The following SDF4 variants were observed in gnomAD, a reference collection of about 807,000 sequenced individuals.
SDF4 encodes 45 kDa calcium-binding protein.
SDF4 carries 22 observed loss-of-function variants against 34.2 expected under a neutral mutation model. That is an observed-to-expected ratio of 0.64 (90% CI 0.46 to 0.92). SDF4 has a LOEUF of 0.92. SDF4 is among the 40% of genes least tolerant of loss of function. The probability of loss-of-function intolerance (pLI) is 0.00; values close to 1 mark genes in which losing one functional copy is unlikely to be tolerated. For synonymous variants in SDF4, 236 were observed against 203.1 expected (o/e 1.16, Z -1.38); for missense variants, 447 against 499.9 (o/e 0.89, Z 1.01).
At position 1,218,701 on chromosome 1, in the gene SDF4, G is replaced by A. The variant is rs920070912; in HGVS notation, c.715+68C>T. 1.5e-5 allele frequency: 24 copies of A among 1,611,242 alleles called. No homozygotes were observed. The highest frequency in any genetic ancestry group is 1.5e-4 in the African/African-American group (11 of 74,876). Reference sequence around the variant, plus strand: ...CCCGCAGGACCTGCCCCGACCTCCCGACGATGCCCGGCCCCTGCCAGTCGG... The same window carrying A: ...CCCGCAGGACCTGCCCCGACCTCCCAACGATGCCCGGCCCCTGCCAGTCGG... On this transcript the variant is annotated intron_variant, in intron 5 of 6. Coordinates refer to ENST00000360001, the MANE Select transcript of SDF4 (RefSeq NM_016176.6). The surrounding 1 kb of genome is among the most constrained non-coding windows in gnomAD (Gnocchi z 7.9).
rs144940942 is a variant in SDF4, at chr1:1,221,896, G to A, written c.556+1348C>T. On this transcript the variant is annotated intron_variant, in intron 4 of 6. Coordinates refer to ENST00000360001, the MANE Select transcript of SDF4 (RefSeq NM_016176.6). ...GCCCTGGAAGGTACAGCTGCAGGGA[G>A]CCGAGACTGCACCACTGCACTGCAG... Among the ~76,000 whole-genome samples the A allele has an allele frequency of 2.4e-3, 369 of 152,348 alleles. 1 individual carries two copies. The highest frequency in any genetic ancestry group is 8.3e-3 in the African/African-American group (345 of 41,584).
rs182484440 is a variant in SDF4, at chr1:1,225,229, G to A, written c.306-1261C>T. Among the ~76,000 whole-genome samples the A allele has an allele frequency of 1.3e-5, 2 of 152,326 alleles. 1 individual carries two copies. The highest frequency in any genetic ancestry group is 3.9e-4 in the East Asian group (2 of 5,176). ...ACTTAACCCCCAGGGCAACAGCACT[G>A]GGAGGCAGGGCTTCCAGAGGTGCGA... On this transcript the variant is annotated intron_variant, in intron 2 of 6. Coordinates refer to ENST00000360001, the MANE Select transcript of SDF4 (RefSeq NM_016176.6).
rs1638386110 is a variant in SDF4 at position 1,228,527 on chromosome 1, G to A, written c.246C>T (p.Gly82=). Residue 82 remains glycine, a synonymous_variant, in exon 2 of 7, where the codon GGC becomes GGT. Transcript: ENST00000360001. Reference sequence around the variant, plus strand: ...GCCGCGGCTCCGCGTCCTCATCAAAGCCACCCAGGTCCTTGCCTAGGAAGA... The same window carrying A: ...GCCGCGGCTCCGCGTCCTCATCAAAACCACCCAGGTCCTTGCCTAGGAAGA... ...QEVFLGKDLG[G]FDEDAEPRRS... 3 of 1,612,642 alleles carry A rather than the reference G, an allele frequency of 1.9e-6. No homozygotes were observed. The highest frequency in any genetic ancestry group is 1.3e-5 in the African/African-American group (1 of 74,950).
Position 1,217,925 on chromosome 1 carries a change from G to A in SDF4, c.892-237C>T. 2 of 1,130,800 alleles carry A rather than the reference G, an allele frequency of 1.8e-6. No individual in the cohort carries two copies. The highest frequency in any genetic ancestry group is 2.4e-6 in the Non-Finnish European group (2 of 827,888). 70.0% of individuals were successfully genotyped at this position (1,130,800 alleles called of 1,614,324 possible). The stretch of plus-strand genomic sequence containing the variant: ...CGGGGCACAGGGGCTACACAGGCCT[G>A]GACCCCAGTTCTGAAGGATCCCTAA... On this transcript the variant is annotated intron_variant, in intron 6 of 6. Transcript: ENST00000360001. This position sits in a 1 kb window ranked among gnomAD's most constrained non-coding sequence, Gnocchi z 8.5.
chr1:1,225,228 T>C (rs140504906), intron 2 of SDF4, among the ~76,000 whole-genome samples: 442 of 152,318 alleles, frequency 2.9e-3, no homozygotes, highest in Non-Finnish European at 5.0e-3. Flanking sequence ...GCAACAGCAC[T>C]GGGAGGCAGG....
At chr1:1,219,166 C>T in intron 4 of SDF4, 1 of 1,383,892 alleles carries the variant, frequency 7.2e-7, no homozygotes, top group Non-Finnish European at 9.4e-7. Context: ...ATAGCTTGGA[C>T]CCCTCCACAC....
At chr1:1,225,960 G>A (rs945342212) in intron 2 of SDF4, among the ~76,000 whole-genome samples, 14 of 152,200 alleles carry the variant, frequency 9.2e-5, no homozygotes, top group South Asian at 2.1e-4. Flanking sequence ...ACGCACACAC[G>A]CAAGTGCACA....
intron 4 of SDF4, chr1:1,219,404 C>G: frequency 2.0e-6 from 2 of 1,025,434 alleles, no homozygotes; most frequent in Non-Finnish European, 2.3e-6. Flanking sequence ...GGGCCTGGGC[C>G]CCACCCCCCA....
Position 1,218,399 on chromosome 1 carries a change from CCCTCCCGCCACAGCA to C in SDF4, c.891+44_891+58del. On this transcript the variant is annotated intron_variant, in intron 6 of 6. Transcript: ENST00000360001. The surrounding 1 kb of genome is among the most constrained non-coding windows in gnomAD (Gnocchi z 7.9). ...CTGCCTCAGGCCCAGATCCACCAGCCCCTCCCGCCACAGCACCTCGCAGGGCCGGCTCCGGGACAC... is the reference window on the plus strand; with the variant it reads ...CTGCCTCAGGCCCAGATCCACCAGCCCCTCGCAGGGCCGGCTCCGGGACAC... 1 of 1,555,956 alleles carries C rather than the reference CCCTCCCGCCACAGCA, an allele frequency of 6.4e-7. No homozygotes were observed. The highest frequency in any genetic ancestry group is 1.7e-5 in the Admixed American group (1 of 57,186).
chr1:1,225,720 CGCCACAGACACGGGCCACACACTCCACAT>C (rs3834014), intron 2 of SDF4, among the ~76,000 whole-genome samples: 17,259 of 151,882 alleles, frequency 0.11, 1,127 homozygotes, highest in East Asian at 0.17. Flanking sequence ...ACGCTCCACA[CGCCACAGACACGGGCCACACACTCCACAT>C]GCCACAGACA....
chr1:1,223,536 C>T lies in SDF4; in HGVS notation c.443-179G>A, dbSNP rs367886195. On this transcript the variant is annotated intron_variant, in intron 3 of 6. Coordinates refer to ENST00000360001, the MANE Select transcript of SDF4 (RefSeq NM_016176.6). Reference sequence around the variant, plus strand: ...CCTCACCTGTGAGGCCAGCCGGCAACGTCTGTGCCTCGGGGCCACCAAGAG... The same window carrying T: ...CCTCACCTGTGAGGCCAGCCGGCAATGTCTGTGCCTCGGGGCCACCAAGAG... 7.2e-5 allele frequency among the ~76,000 whole-genome samples: 11 copies of T among 152,366 alleles called. No homozygotes were observed. The East Asian group carries it at 1.5e-3, about 21-fold the overall frequency.
chr1:1,231,212 C>A (rs1638482909), intron 1 of SDF4, among the ~76,000 whole-genome samples: 1 of 152,224 alleles, frequency 6.6e-6, no homozygotes, highest in East Asian at 1.9e-4. Context: ...GTTCGCAGCA[C>A]AGCGGAGCGG....
Position 1,218,668 on chromosome 1 carries a change from C to G in SDF4, c.716-35G>C. On this transcript the variant is annotated intron_variant, in intron 5 of 6. Coordinates refer to ENST00000360001, the MANE Select transcript of SDF4 (RefSeq NM_016176.6). This position sits in a 1 kb window ranked among gnomAD's most constrained non-coding sequence, Gnocchi z 7.9. ...GGGAATGGGTCAGCCCACACCCAGG[C>G]TGGGGCTCCCGCAGGACCTGCCCCG... is the stretch of plus-strand genomic sequence containing the variant. The G allele has an allele frequency of 6.2e-7, 1 of 1,612,750 alleles. No homozygotes were observed. Among genetic ancestry groups the G allele is most frequent in the Non-Finnish European group, 8.5e-7 (1 of 1,179,432 alleles).
chr1:1,224,324 G>C (rs1452251623), intron 2 of SDF4, among the ~76,000 whole-genome samples: 1 of 152,202 alleles, frequency 6.6e-6, no homozygotes, highest in Non-Finnish European at 1.5e-5. Context: ...CTGTCACCCA[G>C]GCTGGAGTGT....
chr1:1,230,547 A>G (rs1449976501), intron 1 of SDF4, among the ~76,000 whole-genome samples: 1 of 149,128 alleles, frequency 6.7e-6, no homozygotes, highest in Non-Finnish European at 1.5e-5. Flanking sequence ...TGCAACCTCC[A>G]CCTCCCAGGT....
In SDF4 at chr1:1,217,869, C is replaced by T. The variant is rs2100964900; in HGVS notation, c.892-181G>A. On this transcript the variant is annotated intron_variant, in intron 6 of 6. Transcript: ENST00000360001. This position sits in a 1 kb window ranked among gnomAD's most constrained non-coding sequence, Gnocchi z 8.5. ...CAGGGCAGGGAGAAGCCGGGGGCCCCGGAAGGCCTGCCCGGGGCCAGCAGG... is the reference window on the plus strand; with the variant it reads ...CAGGGCAGGGAGAAGCCGGGGGCCCTGGAAGGCCTGCCCGGGGCCAGCAGG... The T allele has an allele frequency of 3.4e-6, 5 of 1,468,750 alleles. No individual in the cohort carries two copies. Among genetic ancestry groups the T allele is most frequent in the South Asian group, 1.4e-5 (1 of 72,448 alleles). 91.0% of individuals were successfully genotyped at this position (1,468,750 alleles called of 1,614,324 possible). A position where few individuals can be genotyped will look rare whatever the true frequency, so the allele number is the denominator to read the frequency against.
rs369423476 is a variant in SDF4 at position 1,217,478 on chromosome 1, T to C, written c.*34A>G. On this transcript the variant is annotated 3_prime_UTR_variant, in exon 7 of 7. Coordinates refer to ENST00000360001, the MANE Select transcript of SDF4 (RefSeq NM_016176.6). The surrounding 1 kb of genome is among the most constrained non-coding windows in gnomAD (Gnocchi z 8.5). ...GTCACCCGCGAGGCCGCCCCGGTGG[T>C]GCGTGGGGGGCGGCGCGGGGCGCGG... 1.2e-5 allele frequency: 18 copies of C among 1,456,348 alleles called. No individual in the cohort carries two copies. The African/African-American group carries it at 2.5e-4, about 20-fold the overall frequency. The allele number at this position is 1,456,348 out of a possible 1,614,324, so 90.2% of individuals were successfully genotyped here.
chr1:1,229,848 G>C (rs1638438206), intron 1 of SDF4, among the ~76,000 whole-genome samples: 1 of 152,200 alleles, frequency 6.6e-6, no homozygotes, highest in African/African-American at 2.4e-5. Flanking sequence ...AGTGCAGAGG[G>C]CGTCAGGGCC....
chr1:1,223,322 A>G lies in SDF4; in HGVS notation c.478T>C (p.Leu160=). 1 of 1,613,974 alleles carries G rather than the reference A, an allele frequency of 6.2e-7. No homozygotes were observed. The highest frequency in any genetic ancestry group is 8.5e-7 in the Non-Finnish European group (1 of 1,179,928). ...TTCTCGCTATGGCCTTTACTCGCCAAAAACTTCACCTTATACTCGTCCCAA... is the reference window on the plus strand; with the variant it reads ...TTCTCGCTATGGCCTTTACTCGCCAGAAACTTCACCTTATACTCGTCCCAA... ...VSWDEYKVKF[L]ASKGHSEKEV... Residue 160 remains leucine (L), a synonymous_variant, in exon 4 of 7, where the codon TTG becomes CTG. Coordinates refer to ENST00000360001, the MANE Select transcript of SDF4 (RefSeq NM_016176.6).
Sources: allele counts gnomAD v4.1 joint callset (sites outside exome capture counted in the v4.1 genomes callset), GRCh38; gene constraint gnomAD v4.1.1; non-coding constraint Gnocchi (gnomAD v3.1); transcripts MANE v1.5; gene names NCBI Gene and HGNC (gene_info 2026-07-23, HGNC 2026-07-21).